The following AKAP12 variants were observed in gnomAD, a reference collection of about 807,000 sequenced individuals.
AKAP12 encodes A-kinase anchor protein 12.
Under a neutral mutation model 79.9 loss-of-function variants are expected in AKAP12, and 32 were observed. The ratio of observed to expected loss-of-function variants is 0.40; its 90% CI spans 0.30 to 0.54. The LOEUF (loss-of-function observed/expected upper bound fraction) is 0.54. AKAP12 is among the 20% of genes least tolerant of loss of function. The pLI is 0.48. For synonymous variants in AKAP12, 808 were observed against 857.0 expected (o/e 0.94, Z 1.00); for missense variants, 2,074 against 2,177.0 (o/e 0.95, Z 0.94).
In AKAP12 at chr6:151,337,524, A is replaced by AAAAAAGAAAG. The variant is rs535027217; in HGVS notation, c.320-11184_320-11183insAAGAAAGAAA. ...GAGTTTCCGTCTCGAAAAAAAAAAA[A>AAAAAAGAAAG]AAAGAAAGAAAGAAAGATAACTGTA... On this transcript the variant is annotated intron_variant, in intron 3 of 4. Coordinates refer to ENST00000402676, the MANE Select transcript of AKAP12 (RefSeq NM_005100.4). Among the ~76,000 whole-genome samples the AAAAAAGAAAG allele has an allele frequency of 2.6e-3, 332 of 129,770 alleles. 3 individuals carry two copies. The highest frequency in any genetic ancestry group is 8.4e-3 in the African/African-American group (245 of 29,046). The allele number at this position is 129,770 out of a possible 152,430, so 85.1% of individuals were successfully genotyped here.
intron 2 of AKAP12, among the ~76,000 whole-genome samples, chr6:151,259,683 A>G (rs1797381252): frequency 6.7e-6 from 1 of 148,372 alleles, no homozygotes; most frequent in African/African-American, 2.5e-5. Flanking sequence ...GGTTCAAGCT[A>G]TTCTTGTGCC....
chr6:151,336,168 T>C (rs1469647333), intron 3 of AKAP12, among the ~76,000 whole-genome samples: 4 of 152,220 alleles, frequency 2.6e-5, no homozygotes, highest in South Asian at 2.1e-4. Context: ...CAGTCAAACT[T>C]TGATGGACAC....
intron 3 of AKAP12, among the ~76,000 whole-genome samples, chr6:151,336,966 C>A (rs1298952966): frequency 6.6e-6 from 1 of 152,130 alleles, no homozygotes; most frequent in Non-Finnish European, 1.5e-5. Flanking sequence ...AGAACTTCTG[C>A]TCTTTAATTT....
rs141865566 is a variant in AKAP12 at position 151,254,029 on chromosome 6, A to G, written c.162+13305A>G. 1.5e-3 allele frequency among the ~76,000 whole-genome samples: 225 copies of G among 152,202 alleles called. 1 individual carries two copies. The highest frequency in any genetic ancestry group is 5.1e-3 in the African/African-American group (212 of 41,534). On this transcript the variant is annotated intron_variant, in intron 2 of 4. Coordinates refer to ENST00000402676, the MANE Select transcript of AKAP12 (RefSeq NM_005100.4). ...CGGCCAGAAATGACGTATTTATCCA[A>G]TACTTAGACATGAGTTCCTGATTCC...
At chr6:151,326,786 C>G (rs1777538644) in intron 3 of AKAP12, among the ~76,000 whole-genome samples, 2 of 150,336 alleles carry the variant, frequency 1.3e-5, no homozygotes, top group Middle Eastern at 6.8e-3. Context: ...TATTTGAGAT[C>G]ATTGCTGCCA....
intron 2 of AKAP12, among the ~76,000 whole-genome samples, chr6:151,275,074 A>G (rs1776265539): frequency 6.6e-6 from 1 of 152,128 alleles, no homozygotes. Flanking sequence ...ACTGCACTTC[A>G]GCCTGGGTGA....
In AKAP12 at chr6:151,338,755, GT is replaced by G. The variant is rs1172696162; in HGVS notation, c.320-9954del. ...CGTGAGCCGCTGCACCCGGCCATAG[GT>G]TACTCATTCTAAGCCAGAATCCTGC... On this transcript the variant is annotated intron_variant, in intron 3 of 4. Transcript: ENST00000402676. 6.6e-5 allele frequency among the ~76,000 whole-genome samples: 10 copies of G among 152,290 alleles called. No individual in the cohort carries two copies. In the East Asian group the frequency reaches 1.7e-3, roughly 26 times the overall value.
At chr6:151,322,493 A>G (rs1476962960) in intron 3 of AKAP12, among the ~76,000 whole-genome samples, 1 of 151,956 alleles carries the variant, frequency 6.6e-6, no homozygotes, top group East Asian at 1.9e-4. Flanking sequence ...CCCTAAGTAA[A>G]CTCCGAACCT....
At chr6:151,255,651 A>G (rs2114690888) in intron 2 of AKAP12, among the ~76,000 whole-genome samples, 1 of 152,076 alleles carries the variant, frequency 6.6e-6, no homozygotes, top group South Asian at 2.1e-4. Flanking sequence ...TTAGCCAAGC[A>G]TGGTGGCATG....
chr6:151,302,931 C>A (rs923672925), intron 2 of AKAP12, among the ~76,000 whole-genome samples: 1 of 151,988 alleles, frequency 6.6e-6, no homozygotes, highest in Non-Finnish European at 1.5e-5. Flanking sequence ...CGCAGTGGCT[C>A]ATGCCTGTAA....
At chr6:151,251,857 C>T (rs553409304) in intron 2 of AKAP12, among the ~76,000 whole-genome samples, 1 of 152,072 alleles carries the variant, frequency 6.6e-6, no homozygotes, top group Non-Finnish European at 1.5e-5. Flanking sequence ...ATTAGCCAGG[C>T]ATGGTGGCAC....
chr6:151,312,663 G>C (rs929188584), intron 3 of AKAP12, among the ~76,000 whole-genome samples: 1 of 151,904 alleles, frequency 6.6e-6, no homozygotes, highest in Non-Finnish European at 1.5e-5. Flanking sequence ...GTGGTGGCGG[G>C]CGCCTGTAGT....
chr6:151,326,008 A>AT (rs1177204885), intron 3 of AKAP12: 1 of 1,307,892 alleles, frequency 7.6e-7, no homozygotes, highest in African/African-American at 1.5e-5. Flanking sequence ...CGGGACCGTT[A>AT]TTGGCATTTA....
At chr6:151,289,955 G>A (rs567584435) in intron 2 of AKAP12, among the ~76,000 whole-genome samples, 1 of 152,296 alleles carries the variant, frequency 6.6e-6, no homozygotes, top group Admixed American at 6.5e-5. Flanking sequence ...ATGATGACTA[G>A]CATGGTTATG....
chr6:151,332,952 A>G (rs1040922000), intron 3 of AKAP12, among the ~76,000 whole-genome samples: 2 of 152,220 alleles, frequency 1.3e-5, no homozygotes, highest in African/African-American at 4.8e-5. Context: ...TGGCGGGGTC[A>G]TTCAATCACA....
In AKAP12 at chr6:151,261,081, G is replaced by A. The variant is rs570418760; in HGVS notation, c.162+20357G>A. On this transcript the variant is annotated intron_variant, in intron 2 of 4. Coordinates refer to ENST00000402676, the MANE Select transcript of AKAP12 (RefSeq NM_005100.4). ...TCACTCCTCAGGTTGCATCTTGAGG[G>A]TTGGCATCTAAAAACCAATGGTTTG... Among the ~76,000 whole-genome samples, 15 of 151,778 alleles carry A rather than the reference G, an allele frequency of 9.9e-5. No individual in the cohort carries two copies. In the South Asian group the frequency reaches 2.3e-3, roughly 23 times the overall value.
At chr6:151,252,635 G>A (rs978463316) in intron 2 of AKAP12, among the ~76,000 whole-genome samples, 2 of 150,326 alleles carry the variant, frequency 1.3e-5, no homozygotes, top group Non-Finnish European at 2.9e-5. Flanking sequence ...TGGTGGACCT[G>A]GTATTCCCAG....
chr6:151,319,537 TATAGATATAG>T (rs1777323661), intron 3 of AKAP12: 1 of 79,414 alleles, frequency 1.3e-5, no homozygotes, highest in Non-Finnish European at 2.4e-5. Flanking sequence ...GATATATATA[TATAGATATAG>T]ATATATATAT....
chr6:151,305,832 G>C lies in AKAP12; in HGVS notation c.248G>C (p.Gly83Ala). ...ELSLQEGDLN[G>A]QKGALNGQGA... Reference sequence around the variant, plus strand: ...AGCCTCCAGGAGGGTGACCTAAATGGCCAGAAAGGAGCCCTGAACGGTCAA... The same window carrying C: ...AGCCTCCAGGAGGGTGACCTAAATGCCCAGAAAGGAGCCCTGAACGGTCAA... The change falls in exon 3 of 5, where the codon GGC becomes GCC. Residue 83 changes from glycine to alanine, a missense_variant. Gly to Ala is a moderately conservative substitution (Grantham distance 60). Coordinates refer to ENST00000402676, the MANE Select transcript of AKAP12 (RefSeq NM_005100.4). 6.2e-7 allele frequency: 1 copy of C among 1,614,058 alleles called. No individual in the cohort carries two copies. Among genetic ancestry groups the C allele is most frequent in the Non-Finnish European group, 8.5e-7 (1 of 1,179,976 alleles).
Sources: allele counts gnomAD v4.1 joint callset (sites outside exome capture counted in the v4.1 genomes callset), GRCh38; gene constraint gnomAD v4.1.1; transcripts MANE v1.5; gene names NCBI Gene and HGNC (gene_info 2026-07-23, HGNC 2026-07-21).